Variants in HACE1 observed in about 807,000 individuals in gnomAD.
HACE1 encodes E3 ubiquitin-protein ligase HACE1.
HACE1 carries 73 observed loss-of-function variants against 118.4 expected under a neutral mutation model. The ratio of observed to expected loss-of-function variants is 0.62; its 90% CI spans 0.51 to 0.75. The LOEUF (loss-of-function observed/expected upper bound fraction) is 0.75, where lower values mean the gene tolerates loss of function less well. Ranked by LOEUF, HACE1 falls within the 30% of genes least tolerant of loss-of-function variation. The probability of loss-of-function intolerance (pLI) is 0.00; values close to 1 mark genes in which losing one functional copy is unlikely to be tolerated. For synonymous variants in HACE1, 368 were observed against 374.8 expected, an observed-to-expected ratio of 0.98 and a Z score of 0.21; for missense variants, 749 against 1,102.2, an observed-to-expected ratio of 0.68 and a Z score of 4.54.
rs577888892 is a variant in HACE1, at chr6:104,733,950, C to T, written c.2514-3534G>A. Among the ~76,000 whole-genome samples, 13 of 150,214 alleles carry T rather than the reference C, an allele frequency of 8.7e-5. No homozygotes were observed. The East Asian group carries it at 1.8e-3, about 21-fold the overall frequency. ...GGTGGATCACTTGAGGTCAGGAGAT[C>T]GAGACCAGCCTGGCCAACATGGTGA... On this transcript the variant is annotated intron_variant, in intron 22 of 23. Coordinates refer to ENST00000262903, the MANE Select transcript of HACE1 (RefSeq NM_020771.4).
At chr6:104,819,211 C>T (rs1390846076) in intron 6 of HACE1, among the ~76,000 whole-genome samples, 5 of 152,124 alleles carry the variant, frequency 3.3e-5, no homozygotes, top group African/African-American at 1.2e-4. Flanking sequence ...ACAAAACCAA[C>T]GTGGAAAAAT....
intron 11 of HACE1, chr6:104,787,540 T>C (rs56056436): frequency 6.6e-6 from 1 of 152,094 alleles, no homozygotes; most frequent in Non-Finnish European, 1.5e-5. Context: ...ACTTCTGAAA[T>C]GGAAAGAACA....
rs533839093 is a variant in HACE1, at chr6:104,791,569, A to G, written c.1009T>C (p.Ser337Pro). 2 of 1,610,622 alleles carry G rather than the reference A, an allele frequency of 1.2e-6. No individual in the cohort carries two copies. Among genetic ancestry groups the G allele is most frequent in the South Asian group, 2.2e-5 (2 of 90,990 alleles). ...FCHVFRIGPSSPSNGIDMGYN... is the reference protein window; with the variant it reads ...FCHVFRIGPSPPSNGIDMGYN... Reference sequence around the variant, plus strand: ...CCCATATCAATTCCATTACTGGGGGAGGATGGACCAATTCGAAAGACGTGA... The same window carrying G: ...CCCATATCAATTCCATTACTGGGGGGGGATGGACCAATTCGAAAGACGTGA... The change falls in exon 11 of 24, where the codon TCC becomes CCC. Residue 337 changes from serine (S) to proline (P), a missense_variant. By Grantham distance (74) the Ser-to-Pro change is moderately conservative. Coordinates refer to ENST00000262903, the MANE Select transcript of HACE1 (RefSeq NM_020771.4).
intron 7 of HACE1, 62 bp from the exon 8 acceptor site, chr6:104,797,087 T>C (rs1042731999): frequency 2.2e-6 from 2 of 917,806 alleles, no homozygotes; most frequent in Admixed American, 1.7e-5. Context: ...CTATGAATTA[T>C]GGATAGTTAA....
intron 5 of HACE1, among the ~76,000 whole-genome samples, chr6:104,840,535 A>T (rs1308429227): frequency 6.6e-6 from 1 of 152,182 alleles, no homozygotes. Context: ...ATCCATTAAA[A>T]TAGCTGAGAG....
In HACE1 at chr6:104,811,402, G is replaced by T; in HGVS notation, c.535-9C>A. ...AGCAAGCACTGCACTGTCTGAGGGG[G>T]AAAAAATAATTAAAAGTAAAGCCAG... On this transcript the variant is annotated splice_polypyrimidine_tract_variant and intron_variant, in intron 6 of 23. Transcript: ENST00000262903. The T allele has an allele frequency of 7.4e-7, 1 of 1,351,874 alleles. No individual in the cohort carries two copies. The highest frequency in any genetic ancestry group is 1.4e-5 in the African/African-American group (1 of 69,762). The allele number at this position is 1,351,874 out of a possible 1,614,324, so 83.7% of individuals were successfully genotyped here.
At position 104,837,740 on chromosome 6, in the gene HACE1, G is replaced by T. The variant is rs80169711; in HGVS notation, c.403-4567C>A. Among the ~76,000 whole-genome samples, 664 of 152,188 alleles carry T rather than the reference G, an allele frequency of 4.4e-3. 4 individuals are homozygous for T. The highest frequency in any genetic ancestry group is 0.016 in the African/African-American group (645 of 41,546). The stretch of plus-strand genomic sequence containing the variant: ...AGCTAGAGCAATCAGGCAAAAGAAA[G>T]AAATAACGGACATTCATATTAGAAA... On this transcript the variant is annotated intron_variant, in intron 5 of 23. Coordinates refer to ENST00000262903, the MANE Select transcript of HACE1 (RefSeq NM_020771.4).
chr6:104,757,247 G>C (rs1250753360), intron 19 of HACE1, among the ~76,000 whole-genome samples: 1 of 152,178 alleles, frequency 6.6e-6, no homozygotes, highest in East Asian at 1.9e-4. Flanking sequence ...TATGAGAACA[G>C]ACAGACTACC....
chr6:104,845,690 G>A (rs1346313040), intron 4 of HACE1: 2 of 151,960 alleles, frequency 1.3e-5, no homozygotes, highest in Non-Finnish European at 2.9e-5. Context: ...TGTTAGCCAG[G>A]ATGGTCTCGA....
chr6:104,744,578 A>G lies in HACE1; in HGVS notation c.2376T>C (p.Asp792=). ...ELLLSGMPEI[D]VSDWIKNTEY... is the part of the protein sequence containing the mutation. The stretch of plus-strand genomic sequence containing the variant: ...CTGTATTTTTTATCCAATCACTCAC[A>G]TCAATTTCTGGCATGCCAGAAAGCA... Residue 792 remains aspartate (D), a synonymous_variant, in exon 21 of 24, where the codon GAT becomes GAC. Coordinates refer to ENST00000262903, the MANE Select transcript of HACE1 (RefSeq NM_020771.4). The G allele has an allele frequency of 6.2e-7, 1 of 1,603,484 alleles. No individual in the cohort carries two copies. Among genetic ancestry groups the G allele is most frequent in the South Asian group, 1.1e-5 (1 of 90,842 alleles).
chr6:104,737,434 G>C (rs1776010080), intron 22 of HACE1, among the ~76,000 whole-genome samples: 1 of 152,148 alleles, frequency 6.6e-6, no homozygotes, highest in Admixed American at 6.6e-5. Context: ...ATCTCATTAG[G>C]GAGTGGCAGA....
chr6:104,766,574 C>T (rs1470586149), intron 19 of HACE1, among the ~76,000 whole-genome samples: 1 of 152,158 alleles, frequency 6.6e-6, no homozygotes, highest in African/African-American at 2.4e-5. Flanking sequence ...TCATGCAAAG[C>T]TAGCACTAAA....
At chr6:104,813,830 A>G (rs1240041091) in intron 6 of HACE1, among the ~76,000 whole-genome samples, 1 of 138,236 alleles carries the variant, frequency 7.2e-6, no homozygotes, top group Admixed American at 7.2e-5. Flanking sequence ...AATGAAACTC[A>G]GAATAACAAA....
At chr6:104,839,996 ACT>A (rs1238705783) in intron 5 of HACE1, among the ~76,000 whole-genome samples, 3 of 152,104 alleles carry the variant, frequency 2.0e-5, no homozygotes, top group Admixed American at 6.5e-5. Context: ...ACAGAGCGAG[ACT>A]CTGTCTCAAA....
In HACE1 at chr6:104,729,336, A is replaced by T; in HGVS notation, c.*326T>A. 3.3e-6 allele frequency: 1 copy of T among 298,660 alleles called. No homozygotes were observed. The highest frequency in any genetic ancestry group is 6.4e-6 in the Non-Finnish European group (1 of 156,982). The allele number at this position is 298,660 out of a possible 1,614,324, so 18.5% of individuals were successfully genotyped here. On this transcript the variant is annotated 3_prime_UTR_variant, in exon 24 of 24. Coordinates refer to ENST00000262903, the MANE Select transcript of HACE1 (RefSeq NM_020771.4). ...AACACCCTTTTAACAAGACAGTTAC[A>T]TAGCAGAGGTGGAATGTAGAATCAG...
intron 5 of HACE1, among the ~76,000 whole-genome samples, chr6:104,835,029 T>C (rs969478869): frequency 3.9e-5 from 6 of 152,246 alleles, no homozygotes; most frequent in African/African-American, 1.4e-4. Context: ...ATATTGAATA[T>C]TGATTTTACA....
intron 5 of HACE1, 26 bp from the exon 6 acceptor site, chr6:104,833,199 A>G: frequency 6.2e-7 from 1 of 1,605,574 alleles, no homozygotes; most frequent in Non-Finnish European, 8.5e-7. Context: ...GTTACTTAAC[A>G]TTTGTGTAAT....
chr6:104,844,344 A>ATT (rs374033174), intron 4 of HACE1, among the ~76,000 whole-genome samples: 5 of 119,926 alleles, frequency 4.2e-5, no homozygotes, highest in African/African-American at 9.5e-5. Context: ...CATCATAAAC[A>ATT]TTTTTTTTTT....
chr6:104,788,789 G>C (rs998359799), intron 11 of HACE1, among the ~76,000 whole-genome samples: 8 of 152,044 alleles, frequency 5.3e-5, no homozygotes, highest in African/African-American at 1.9e-4. Flanking sequence ...CAAGGCACTA[G>C]ATAAACATCT....
Sources: gnomAD v4.1 joint callset for allele counts (sites outside exome capture counted in the v4.1 genomes callset) on GRCh38, gnomAD v4.1.1 for gene constraint, MANE v1.5 for transcripts, NCBI Gene and HGNC (gene_info 2026-07-23, HGNC 2026-07-21) for gene names.